Variants in ZNF484 observed in about 807,000 individuals in gnomAD.
ZNF484 encodes zinc finger protein 484.
In ZNF484, 11 loss-of-function variants were observed where a neutral mutation model predicts 12.9. That is an observed-to-expected ratio of 0.85 (90% CI 0.54 to 1.41). The LOEUF (loss-of-function observed/expected upper bound fraction) is 1.41, where lower values mean the gene tolerates loss of function less well. Among genes scored for constraint, ZNF484 ranks in the 40% most tolerant of loss-of-function variants. The pLI is 0.00. For synonymous variants in ZNF484, 289 were observed against 334.1 expected (o/e 0.86, Z 1.47); for missense variants, 807 against 1,007.7 (o/e 0.80, Z 2.70).
chr9:92,875,968 C>T (rs899548408), intron 1 of ZNF484, among the ~76,000 whole-genome samples: 1 of 152,070 alleles, frequency 6.6e-6, no homozygotes, highest in African/African-American at 2.4e-5. Flanking sequence ...TCTAAAAGAC[C>T]ACTTCTCTGT....
intron 2 of ZNF484, chr9:92,862,181 A>C: frequency 1.0e-6 from 1 of 959,668 alleles, no homozygotes; most frequent in Non-Finnish European, 1.2e-6. Context: ...AAAAAAAATA[A>C]AAAAAGAATT....
chr9:92,872,771 T>TAAAA (rs56991443), intron 2 of ZNF484, among the ~76,000 whole-genome samples: 1 of 148,682 alleles, frequency 6.7e-6, no homozygotes. Context: ...TATAGAACTG[T>TAAAA]AAAAAAAAAA....
chr9:92,848,201 T>C lies in ZNF484; in HGVS notation c.586A>G (p.Asn196Asp), dbSNP rs947858946. Residue 196 changes from asparagine to aspartate, a missense_variant, in exon 5 of 5, where the codon AAT becomes GAT. Asn to Asp is a conservative substitution (Grantham distance 23). Transcript: ENST00000375495. This position sits in a 1 kb window ranked among gnomAD's most constrained non-coding sequence, Gnocchi z 4.1. ...GTCTTATCAGAATTTTCTGTTGCATTGTTTCTATTATATAAGGTTATGATA... is the reference window on the plus strand; with the variant it reads ...GTCTTATCAGAATTTTCTGTTGCATCGTTTCTATTATATAAGGTTATGATA... ...EPIITLYNRN[N>D]ATENSDKTIG... The C allele has an allele frequency of 1.9e-6, 3 of 1,614,122 alleles. No individual in the cohort carries two copies.
intron 2 of ZNF484, among the ~76,000 whole-genome samples, chr9:92,864,963 T>C (rs1053464304): frequency 6.6e-6 from 1 of 152,040 alleles, no homozygotes; most frequent in Non-Finnish European, 1.5e-5. Context: ...ATAAGGATTA[T>C]ACAGAAGATC....
rs777230814 is a variant in ZNF484 at position 92,846,208 on chromosome 9, C to T, written c.*20G>A. On this transcript the variant is annotated 3_prime_UTR_variant, in exon 5 of 5. Coordinates refer to ENST00000375495, the MANE Select transcript of ZNF484 (RefSeq NM_031486.4). Reference sequence around the variant, plus strand: ...TGTAACTACACATCAGCTATATGATCCAGATGTTCATAATTCTAACTAGAT... The same window carrying T: ...TGTAACTACACATCAGCTATATGATTCAGATGTTCATAATTCTAACTAGAT... The T allele has an allele frequency of 1.2e-6, 2 of 1,603,710 alleles. No individual in the cohort carries two copies. The highest frequency in any genetic ancestry group is 1.7e-6 in the Non-Finnish European group (2 of 1,175,080).
intron 2 of ZNF484, among the ~76,000 whole-genome samples, 186 bp from the exon 3 acceptor site, chr9:92,856,504 T>C (rs1044817467): frequency 3.9e-5 from 6 of 152,110 alleles, no homozygotes; most frequent in African/African-American, 1.2e-4. Flanking sequence ...CAAAATAATT[T>C]TAAAAATGGG....
intron 1 of ZNF484, among the ~76,000 whole-genome samples, chr9:92,875,473 C>T (rs1455142822): frequency 6.6e-6 from 1 of 152,166 alleles, no homozygotes; most frequent in Non-Finnish European, 1.5e-5. Context: ...GAAGCCATTA[C>T]TGAAACCTCA....
intron 4 of ZNF484, among the ~76,000 whole-genome samples, chr9:92,851,395 A>G (rs1380699881): frequency 1.3e-5 from 2 of 152,262 alleles, no homozygotes; most frequent in African/African-American, 4.8e-5. Context: ...TGAAATTCAA[A>G]TTTCAGTGTC....
At position 92,846,759 on chromosome 9, in the gene ZNF484, C is replaced by G; in HGVS notation, c.2028G>C (p.Lys676Asn). 1 of 1,613,816 alleles carries G rather than the reference C, an allele frequency of 6.2e-7. No homozygotes were observed. Among genetic ancestry groups the G allele is most frequent in the Non-Finnish European group, 8.5e-7 (1 of 1,179,924 alleles). Residue 676 changes from lysine to asparagine, a missense_variant, in exon 5 of 5, where the codon AAG (lysine) becomes AAC (asparagine). By Grantham distance (94) the Lys-to-Asn change is moderately conservative (BLOSUM62 0). Transcript: ENST00000375495. ...CSDCGKAFTR[K>N]SGLHIHQQSH... is the part of the protein sequence containing the mutation. ...ATTGCTGATGTATATGGAGACCTGA[C>G]TTCCTAGTGAAGGCTTTCCCACAGT...
chr9:92,858,853 T>C (rs1856617514), intron 2 of ZNF484, among the ~76,000 whole-genome samples: 1 of 151,892 alleles, frequency 6.6e-6, no homozygotes, highest in Non-Finnish European at 1.5e-5. Context: ...AGGCCGGGCG[T>C]GGTGGCTCAC....
At position 92,856,894 on chromosome 9, in the gene ZNF484, A is replaced by T. The variant is rs181667308; in HGVS notation, c.16-576T>A. 6.0e-4 allele frequency among the ~76,000 whole-genome samples: 92 copies of T among 152,174 alleles called. 1 individual carries two copies. The East Asian group carries it at 0.017, about 28-fold the overall frequency. The stretch of plus-strand genomic sequence containing the variant: ...CCGCCACCACGCCCAGCTAATTTTT[A>T]AAAATTTTTTTAGTAGAGACGGGGT... On this transcript the variant is annotated intron_variant, in intron 2 of 4. Transcript: ENST00000375495.
chr9:92,858,997 G>A (rs1214436326), intron 2 of ZNF484, among the ~76,000 whole-genome samples: 1 of 151,982 alleles, frequency 6.6e-6, no homozygotes, highest in Non-Finnish European at 1.5e-5. Flanking sequence ...GTGGTGGTGG[G>A]CACCTGTAGT....
intron 2 of ZNF484, among the ~76,000 whole-genome samples, chr9:92,863,556 A>T (rs1356047464): frequency 2.0e-5 from 3 of 152,248 alleles, no homozygotes; most frequent in Non-Finnish European, 2.9e-5. Context: ...ATTTAACAGG[A>T]ATATAGAAAA....
rs753179634 is a variant in ZNF484 at position 92,847,230 on chromosome 9, A to C, written c.1557T>G (p.Thr519=). ...CGCTGCATTTATAAGGTTTCTCTCC[A>C]GTATGAATTTTTTGGTGCTTAATGA... ...SNLIKHQKIH[T]GEKPYKCSDC... The change falls in exon 5 of 5, where the codon ACT becomes ACG. Residue 519 remains threonine, a synonymous_variant. Coordinates refer to ENST00000375495, the MANE Select transcript of ZNF484 (RefSeq NM_031486.4). The C allele has an allele frequency of 6.2e-7, 1 of 1,614,154 alleles. No individual in the cohort carries two copies. The highest frequency in any genetic ancestry group is 8.5e-7 in the Non-Finnish European group (1 of 1,180,010).
At chr9:92,849,593 C>G (rs1158700748) in intron 4 of ZNF484, among the ~76,000 whole-genome samples, 1 of 151,954 alleles carries the variant, frequency 6.6e-6, no homozygotes, top group Non-Finnish European at 1.5e-5. Flanking sequence ...TGAGACCAGC[C>G]TGGGAAACAT....
At chr9:92,870,923 G>A (rs1177633103) in intron 2 of ZNF484, among the ~76,000 whole-genome samples, 5 of 152,130 alleles carry the variant, frequency 3.3e-5, no homozygotes, top group Admixed American at 2.6e-4. Context: ...CATCCACCTG[G>A]CAGTAGTACA....
intron 2 of ZNF484, among the ~76,000 whole-genome samples, chr9:92,866,903 A>G (rs1017060198): frequency 6.6e-6 from 1 of 152,248 alleles, no homozygotes; most frequent in African/African-American, 2.4e-5. Flanking sequence ...AGAAATCCGA[A>G]CACTGCATGT....
intron 4 of ZNF484, among the ~76,000 whole-genome samples, chr9:92,851,754 T>C (rs1001698708): frequency 6.6e-6 from 1 of 152,246 alleles, no homozygotes; most frequent in Non-Finnish European, 1.5e-5. Flanking sequence ...GCTTCCTTTT[T>C]CTGATCTTTT....
In ZNF484 at chr9:92,847,265, TG is replaced by T. The variant is rs1398938647; in HGVS notation, c.1521del (p.Asp507GlufsTer61). The T allele has an allele frequency of 7.4e-6, 12 of 1,614,074 alleles. No homozygotes were observed. Among genetic ancestry groups the T allele is most frequent in the Middle Eastern group, 1.6e-4 (1 of 6,084 alleles). ...TTTTGGTGCTTAATGAGATTTGACC[TG>T]TCAGTAAAGGCCTTACCACACACAG... ...ICTVCGKAFT[D>X]RSNLIKHQKI... On this transcript the variant is annotated frameshift_variant, in exon 5 of 5. Transcript: ENST00000375495. LOFTEE classifies it low-confidence loss of function (END_TRUNC).
Sources: gnomAD v4.1 joint callset for allele counts (sites outside exome capture counted in the v4.1 genomes callset) on GRCh38, gnomAD v4.1.1 for gene constraint, Gnocchi (gnomAD v3.1) non-coding constraint, MANE v1.5 for transcripts, NCBI Gene and HGNC (gene_info 2026-07-23, HGNC 2026-07-21) for gene names.